The following CLDN15 variants were observed in gnomAD, a reference collection of about 807,000 sequenced individuals.
CLDN15 encodes claudin 15.
A neutral mutation model predicts 24.5 loss-of-function variants in CLDN15; 9 were observed. That is an observed-to-expected ratio of 0.37 (90% CI 0.22 to 0.64). The LOEUF is 0.64. CLDN15 is among the 30% of genes least tolerant of loss of function. The pLI is 0.63. For synonymous variants in CLDN15, 149 were observed against 131.4 expected (o/e 1.13, Z -0.92); for missense variants, 248 against 305.9 (o/e 0.81, Z 1.41).
intron 2 of CLDN15, among the ~76,000 whole-genome samples, 195 bp from the exon 3 acceptor site, chr7:101,233,109 A>T (rs866571203): frequency 6.6e-6 from 1 of 152,032 alleles, no homozygotes; most frequent in Non-Finnish European, 1.5e-5. Flanking sequence ...TTCTCAGGGT[A>T]GCCCTTAGGC....
At chr7:101,237,939 C>A, upstream of CLDN15, 1 of 339,036 alleles carries the variant, frequency 2.9e-6, no homozygotes, top group East Asian at 6.9e-5. The surrounding 1 kb of genome is among the most constrained non-coding windows in gnomAD (Gnocchi z 4.0). Context: ...CAGACTTACC[C>A]TGGAGCCACT....
At chr7:101,233,017 C>T in intron 2 of CLDN15, 103 bp from the exon 3 acceptor site, 2 of 759,888 alleles carry the variant, frequency 2.6e-6, no homozygotes, top group Non-Finnish European at 4.6e-6. Context: ...AGGACGGGGG[C>T]ACCAAGTCCC....
upstream of CLDN15, chr7:101,238,738 C>G (rs2116844071): frequency 6.6e-6 from 1 of 152,380 alleles, no homozygotes; most frequent in African/African-American, 2.4e-5. Context: ...CAACCTGTTC[C>G]CAGTTATCAG....
Position 101,232,586 on chromosome 7 carries a change from G to A in CLDN15, c.581+18C>T. The A allele has an allele frequency of 6.3e-7, 1 of 1,595,692 alleles. No homozygotes were observed. The highest frequency in any genetic ancestry group is 1.3e-5 in the African/African-American group (1 of 74,736). On this transcript the variant is annotated intron_variant, in intron 4 of 4. Coordinates refer to ENST00000308344, the MANE Select transcript of CLDN15 (RefSeq NM_014343.3). ...CTCCAATCCCGCCCGGCCCCAGCCT[G>A]CGCCTCACCCTGCTCACCTGGCGGC...
chr7:101,234,189 G>C, intron 2 of CLDN15, 89 bp downstream of exon 2: 1 of 1,051,826 alleles, frequency 9.5e-7, no homozygotes, highest in Non-Finnish European at 1.5e-6. Context: ...CATGAGGAGT[G>C]GGAATTGGAG....
chr7:101,234,629 G>A (rs938331879), intron 1 of CLDN15, among the ~76,000 whole-genome samples, 187 bp from the exon 2 acceptor site: 2 of 152,044 alleles, frequency 1.3e-5, no homozygotes, highest in Admixed American at 1.3e-4. Flanking sequence ...GTTTCACCAT[G>A]TTGTCCAGGC....
rs1364234328 is a variant in CLDN15, at chr7:101,232,453, CCTT to C, written c.641_643del (p.Glu214del). The C allele has an allele frequency of 1.2e-6, 2 of 1,613,476 alleles. No individual in the cohort carries two copies. Among genetic ancestry groups the C allele is most frequent in the Non-Finnish European group, 1.7e-6 (2 of 1,179,694 alleles). The stretch of plus-strand genomic sequence containing the variant: ...GCCGTATTTGCCAAAGCTGCTGTCG[CCTT>C]CTTGGTCCGAGGTGGCGACGGGCAT... On this transcript the variant is annotated inframe_deletion, in exon 5 of 5. Transcript: ENST00000308344.
intron 2 of CLDN15, among the ~76,000 whole-genome samples, chr7:101,233,160 C>T (rs375493502): frequency 1.4e-4 from 22 of 152,290 alleles, no homozygotes; most frequent in African/African-American, 4.6e-4. Context: ...ACTACCTCAA[C>T]CTCCTCCTGC....
rs1376568505 is a variant in CLDN15, at chr7:101,232,197, G to A, written c.*213C>T. 1 of 546,588 alleles carries A rather than the reference G, an allele frequency of 1.8e-6. No individual in the cohort carries two copies. The highest frequency in any genetic ancestry group is 1.9e-5 in the African/African-American group (1 of 51,594). The allele number at this position is 546,588 out of a possible 1,614,324, so 33.9% of individuals were successfully genotyped here. A position where few individuals can be genotyped will look rare whatever the true frequency, so the allele number is the denominator to read the frequency against. On this transcript the variant is annotated 3_prime_UTR_variant, in exon 5 of 5. Transcript: ENST00000308344. ...CCAGAACCCAGGGTCAGAAGATGAG[G>A]GATCCAGCCTCAGAGGGGAGATATG...
At chr7:101,236,686 G>A in intron 1 of CLDN15, 2 of 1,254,880 alleles carry the variant, frequency 1.6e-6, no homozygotes, top group Non-Finnish European at 2.1e-6. Flanking sequence ...TGGGCCCAAA[G>A]AGCTGTTGGC....
At position 101,232,838 on chromosome 7, in the gene CLDN15, T is replaced by A; in HGVS notation, c.459A>T (p.Gly153=). The A allele has an allele frequency of 6.2e-7, 1 of 1,612,730 alleles. No individual in the cohort carries two copies. The highest frequency in any genetic ancestry group is 1.1e-5 in the South Asian group (1 of 91,060). The part of the protein sequence containing the change: ...TRDFFDPLYP[G]TKYELGPALY... ...TGGGGGGTTTCCTCACTCACTTGGT[T>A]CCGGGGTACAAGGGGTCGAAGAAGT... Residue 153 remains glycine (G), a synonymous_variant, in exon 3 of 5, where the codon GGA becomes GGT. Coordinates refer to ENST00000308344, the MANE Select transcript of CLDN15 (RefSeq NM_014343.3).
chr7:101,233,568 G>C (rs1311747421), intron 2 of CLDN15, among the ~76,000 whole-genome samples: 1 of 151,938 alleles, frequency 6.6e-6, no homozygotes, highest in Admixed American at 6.6e-5. Flanking sequence ...GCCCAGGCTA[G>C]TCTGGAACTC....
rs1798530306 is a variant in CLDN15, at chr7:101,232,893, A to G, written c.404T>C (p.Ile135Thr). The G allele has an allele frequency of 6.2e-7, 1 of 1,602,432 alleles. No homozygotes were observed. Among genetic ancestry groups the G allele is most frequent in the Non-Finnish European group, 8.5e-7 (1 of 1,173,656 alleles). The change falls in exon 3 of 5, where the codon ATC becomes ACC. Residue 135 changes from isoleucine to threonine, a missense_variant. Transcript: ENST00000308344. ...ILAGICGMVA[I>T]SWYAFNITRD... ...GGTGATGTTGAAGGCGTACCAGGAG[A>G]TGGCCACCATCCCGCAGATACCTGG... is the stretch of plus-strand genomic sequence containing the variant.
At chr7:101,235,334 A>T (rs1798601230) in intron 1 of CLDN15, among the ~76,000 whole-genome samples, 1 of 151,920 alleles carries the variant, frequency 6.6e-6, no homozygotes. Context: ...ACAGCTCATC[A>T]CTGTAGCCTT....
At position 101,237,629 on chromosome 7, in the gene CLDN15, G is replaced by C. The variant is rs748484821; in HGVS notation, c.-48C>G. 1 of 1,407,094 alleles carries C rather than the reference G, an allele frequency of 7.1e-7. No homozygotes were observed. 87.2% of individuals were successfully genotyped at this position (1,407,094 alleles called of 1,614,324 possible). ...GGCTGGTGCCCCAGAGAGGGGGAGG[G>C]GCAGAACCCCTAGGGAACTGGAAGG... On this transcript the variant is annotated 5_prime_UTR_variant, in exon 1 of 5. Coordinates refer to ENST00000308344, the MANE Select transcript of CLDN15 (RefSeq NM_014343.3). The surrounding 1 kb of genome is among the most constrained non-coding windows in gnomAD (Gnocchi z 4.0).
In CLDN15 at chr7:101,237,727, G is replaced by T; in HGVS notation, c.-146C>A. On this transcript the variant is annotated 5_prime_UTR_variant, in exon 1 of 5. Transcript: ENST00000308344. The surrounding 1 kb of genome is among the most constrained non-coding windows in gnomAD (Gnocchi z 4.0). ...CTCAGCCTCTGCCTGCCTCTTCCTC[G>T]GGCTCAGGTCCGTCTCCACTTTCTG... 1 of 653,490 alleles carries T rather than the reference G, an allele frequency of 1.5e-6. No homozygotes were observed. Among genetic ancestry groups the T allele is most frequent in the East Asian group, 2.7e-5 (1 of 36,856 alleles). 40.5% of individuals were successfully genotyped at this position (653,490 alleles called of 1,614,324 possible).
intron 2 of CLDN15, chr7:101,234,005 C>T (rs901924420): frequency 4.7e-5 from 30 of 642,728 alleles, no homozygotes; most frequent in Admixed American, 8.4e-5. Flanking sequence ...TGTAAGCTCC[C>T]GGAGGCAGCC....
chr7:101,235,423 C>T (rs902286098), intron 1 of CLDN15, among the ~76,000 whole-genome samples: 1 of 152,130 alleles, frequency 6.6e-6, no homozygotes, highest in East Asian at 1.9e-4. Context: ...ACCACCACAC[C>T]CGGTGGAGTT....
chr7:101,235,833 G>C (rs779817869), intron 1 of CLDN15, among the ~76,000 whole-genome samples: 1 of 152,164 alleles, frequency 6.6e-6, no homozygotes, highest in African/African-American at 2.4e-5. Flanking sequence ...CATGGGCTGC[G>C]TGGCCAGGGG....
Sources: gnomAD v4.1 joint callset for allele counts (sites outside exome capture counted in the v4.1 genomes callset) on GRCh38, gnomAD v4.1.1 for gene constraint, Gnocchi (gnomAD v3.1) non-coding constraint, MANE v1.5 for transcripts, NCBI Gene and HGNC (gene_info 2026-07-23, HGNC 2026-07-21) for gene names.